The following FILIP1 variants were observed in gnomAD, a reference collection of about 807,000 sequenced individuals.
The protein encoded by FILIP1 is filamin-A-interacting protein 1.
A neutral mutation model predicts 102.1 loss-of-function variants in FILIP1; 61 were observed. The observed-to-expected ratio is 0.60, with a 90% CI of 0.49 to 0.74. The LOEUF (loss-of-function observed/expected upper bound fraction) is 0.74. Ranked by LOEUF, FILIP1 falls within the 30% of genes least tolerant of loss-of-function variation. The probability of loss-of-function intolerance (pLI) is 0.00; values close to 1 mark genes in which losing one functional copy is unlikely to be tolerated. For synonymous variants in FILIP1, 491 were observed against 526.9 expected (o/e 0.93, Z 0.93); for missense variants, 1,314 against 1,441.2 (o/e 0.91, Z 1.43).
rs540785369 is a variant in FILIP1 at position 75,467,624 on chromosome 6, C to T, written c.-7+25790G>A. Among the ~76,000 whole-genome samples, 21 of 152,192 alleles carry T rather than the reference C, an allele frequency of 1.4e-4. 1 individual carries two copies. The South Asian group carries it at 3.5e-3, about 26-fold the overall frequency. Reference sequence around the variant, plus strand: ...TGGTTTCCATTTCAAGGTGGTAGAACGGAAATAGATTGTGGTCTCCTTTTC... The same window carrying T: ...TGGTTTCCATTTCAAGGTGGTAGAATGGAAATAGATTGTGGTCTCCTTTTC... On this transcript the variant is annotated intron_variant, in intron 1 of 5. Coordinates refer to ENST00000237172, the MANE Select transcript of FILIP1 (RefSeq NM_015687.5).
At chr6:75,468,071 G>A (rs573549665) in intron 1 of FILIP1, among the ~76,000 whole-genome samples, 2 of 152,302 alleles carry the variant, frequency 1.3e-5, no homozygotes, top group South Asian at 4.1e-4. Context: ...GCTACCAATA[G>A]GAATAAGACA....
intron 2 of FILIP1, among the ~76,000 whole-genome samples, chr6:75,412,556 A>G (rs540898358): frequency 3.3e-5 from 5 of 151,954 alleles, no homozygotes; most frequent in African/African-American, 7.2e-5. Flanking sequence ...TAACTTCTAC[A>G]TTTTTACCAG....
chr6:75,449,691 T>A (rs1409633034), intron 1 of FILIP1, among the ~76,000 whole-genome samples: 1 of 151,442 alleles, frequency 6.6e-6, no homozygotes, highest in African/African-American at 2.4e-5. Context: ...TTGAAGGAAA[T>A]GCATTTAAAA....
At chr6:75,453,382 T>C (rs1778704239) in intron 1 of FILIP1, among the ~76,000 whole-genome samples, 1 of 152,214 alleles carries the variant, frequency 6.6e-6, no homozygotes, top group Non-Finnish European at 1.5e-5. Context: ...ATTTTTAAAC[T>C]CCACTAAGGG....
chr6:75,389,398 C>T (rs1054500196), intron 2 of FILIP1, among the ~76,000 whole-genome samples: 12 of 152,138 alleles, frequency 7.9e-5, no homozygotes, highest in South Asian at 2.1e-4. Context: ...AAATGAGTTA[C>T]GAAGGAGTCC....
At chr6:75,420,698 T>C (rs1777431589) in intron 1 of FILIP1, among the ~76,000 whole-genome samples, 1 of 152,196 alleles carries the variant, frequency 6.6e-6, no homozygotes, top group South Asian at 2.1e-4. Context: ...ATTCTTCCCT[T>C]GTACTCTTCA....
At chr6:75,482,198 T>C (rs1216434978) in intron 1 of FILIP1, among the ~76,000 whole-genome samples, 1 of 152,140 alleles carries the variant, frequency 6.6e-6, no homozygotes, top group South Asian at 2.1e-4. Flanking sequence ...ATGTAAATAA[T>C]GGCATCATTG....
At chr6:75,402,208 A>G (rs1004493181) in intron 2 of FILIP1, among the ~76,000 whole-genome samples, 5 of 152,178 alleles carry the variant, frequency 3.3e-5, no homozygotes, top group African/African-American at 9.7e-5. Flanking sequence ...TAGGAGTCCT[A>G]AAAGTATTCT....
chr6:75,321,384 A>G (rs960103158), intron 4 of FILIP1, among the ~76,000 whole-genome samples: 2 of 152,236 alleles, frequency 1.3e-5, no homozygotes, highest in Non-Finnish European at 2.9e-5. Flanking sequence ...AGAGGGAAAC[A>G]TGCGATCATT....
intron 1 of FILIP1, among the ~76,000 whole-genome samples, chr6:75,437,347 A>G (rs1778060917): frequency 6.6e-6 from 1 of 152,250 alleles, no homozygotes; most frequent in African/African-American, 2.4e-5. Context: ...GCCTCTGTAA[A>G]GAAAACAAGC....
Position 75,422,362 on chromosome 6 carries a change from T to G in FILIP1, c.-6-7384A>C, listed in dbSNP as rs566481017. On this transcript the variant is annotated intron_variant, in intron 1 of 5. Transcript: ENST00000237172. ...AAATTTTACCTTTACTTTTTCTACT[T>G]GATTACTATAATTTTTTTCAGACAT... 3.3e-5 allele frequency among the ~76,000 whole-genome samples: 5 copies of G among 152,148 alleles called. No homozygotes were observed. The South Asian group carries it at 1.0e-3, about 32-fold the overall frequency.
intron 4 of FILIP1, among the ~76,000 whole-genome samples, chr6:75,325,423 A>G (rs769321096): frequency 1.3e-5 from 2 of 152,210 alleles, no homozygotes; most frequent in African/African-American, 2.4e-5. Flanking sequence ...CTCTGTCTCA[A>G]AAAACAAAAC....
intron 2 of FILIP1, among the ~76,000 whole-genome samples, chr6:75,404,293 A>T (rs1255869918): frequency 1.3e-5 from 2 of 152,124 alleles, no homozygotes; most frequent in Non-Finnish European, 2.9e-5. Context: ...AAATGCAAAT[A>T]GCTCAAATTC....
downstream of FILIP1, among the ~76,000 whole-genome samples, chr6:75,307,287 T>C (rs1220956417): frequency 6.6e-6 from 1 of 152,328 alleles, no homozygotes; most frequent in Non-Finnish European, 1.5e-5. Context: ...TTCGTTATCA[T>C]GAAACATGTT....
chr6:75,395,556 G>T (rs1297163117), intron 2 of FILIP1, among the ~76,000 whole-genome samples: 1 of 152,174 alleles, frequency 6.6e-6, no homozygotes, highest in African/African-American at 2.4e-5. Context: ...GGCATTACAG[G>T]TGTGAGCCAC....
At chr6:75,470,486 T>G (rs1779298478) in intron 1 of FILIP1, among the ~76,000 whole-genome samples, 1 of 152,198 alleles carries the variant, frequency 6.6e-6, no homozygotes, top group African/African-American at 2.4e-5. Context: ...TTATTTGATA[T>G]TTCTGTGCCT....
At chr6:75,382,052 T>A (rs925894753) in intron 2 of FILIP1, among the ~76,000 whole-genome samples, 5 of 152,254 alleles carry the variant, frequency 3.3e-5, no homozygotes, top group African/African-American at 1.2e-4. Flanking sequence ...ATGTTTCCTG[T>A]ACTAACAATC....
chr6:75,292,271 T>C (rs1285514662), exon 7 of FILIP1: 1 of 152,228 alleles, frequency 6.6e-6, no homozygotes, highest in Non-Finnish European at 1.5e-5. Context: ...AGCTAACACT[T>C]GATAATTTTA....
chr6:75,415,191 A>G (rs1777221545), intron 1 of FILIP1, among the ~76,000 whole-genome samples: 1 of 152,136 alleles, frequency 6.6e-6, no homozygotes, highest in Non-Finnish European at 1.5e-5. Flanking sequence ...AAGCCAAATG[A>G]TCAAGGTCAG....
Sources: gnomAD v4.1 joint callset for allele counts (sites outside exome capture counted in the v4.1 genomes callset) on GRCh38, gnomAD v4.1.1 for gene constraint, MANE v1.5 for transcripts, NCBI Gene and HGNC (gene_info 2026-07-23, HGNC 2026-07-21) for gene names.